The following CCNB3 variants were observed in gnomAD, a reference collection of about 807,000 sequenced individuals.
The protein encoded by CCNB3 is cyclin B3.
CCNB3 carries 12 observed loss-of-function variants against 68.0 expected under a neutral mutation model. That is an observed-to-expected ratio of 0.18 (90% confidence interval 0.11 to 0.29). CCNB3 has a LOEUF of 0.29. Ranked by LOEUF, CCNB3 falls within the 10% of genes least tolerant of loss-of-function variation. CCNB3 has a pLI of 1.00. For synonymous variants in CCNB3, 354 were observed against 388.9 expected (o/e 0.91, Z 1.06); for missense variants, 904 against 993.1 (o/e 0.91, Z 1.21).
At chrX:50,227,661 AATAT>A (rs1935912079) in intron 1 of CCNB3, among the ~76,000 whole-genome samples, 1 of 93,791 alleles carries the variant, frequency 1.1e-5, no homozygotes. Context: ...TATATATAAA[AATAT>A]ATATAGAGAG....
At chrX:50,295,026 T>C in intron 5 of CCNB3, 33 bp downstream of exon 5, 1 of 1,174,227 alleles carries the variant, frequency 8.5e-7, no homozygotes, top group Non-Finnish European at 1.1e-6. Context: ...GGCATTATTT[T>C]AGATGGTAGA....
chrX:50,333,844 T>C (rs1484430079), intron 8 of CCNB3, among the ~76,000 whole-genome samples: 1 of 111,384 alleles, frequency 9.0e-6, no homozygotes, highest in Admixed American at 9.6e-5. Context: ...GGAGGCTCGC[T>C]GGTGTCCCCT....
chrX:50,300,544 T>A (rs1557212344), intron 5 of CCNB3, among the ~76,000 whole-genome samples: 1 of 111,821 alleles, frequency 8.9e-6, no homozygotes, highest in African/African-American at 3.2e-5. Flanking sequence ...TAACCCGACC[T>A]TTCTCTCTGG....
intron 8 of CCNB3, among the ~76,000 whole-genome samples, chrX:50,324,654 G>C (rs1431144030): frequency 9.0e-6 from 1 of 111,261 alleles, no homozygotes; most frequent in African/African-American, 3.3e-5. Flanking sequence ...TTCTTGTTTT[G>C]CTAAGGTTTA....
chrX:50,349,391 A>G (rs782551377), intron 11 of CCNB3, among the ~76,000 whole-genome samples: 1 of 112,393 alleles, frequency 8.9e-6, no homozygotes, highest in Admixed American at 9.4e-5. Context: ...TGAGAGACCC[A>G]CTTTACACTA....
intron 3 of CCNB3, among the ~76,000 whole-genome samples, chrX:50,286,123 A>G (rs1936228797): frequency 8.9e-6 from 1 of 111,965 alleles, no homozygotes; most frequent in African/African-American, 3.2e-5. Context: ...AATTATTTCT[A>G]TCAGTAATAT....
chrX:50,328,798 T>C (rs926368587), intron 8 of CCNB3, among the ~76,000 whole-genome samples: 1 of 112,210 alleles, frequency 8.9e-6, no homozygotes. Context: ...AGTTATTTAC[T>C]TCCAAGATAC....
chrX:50,301,652 C>G lies in CCNB3; in HGVS notation c.335+6659C>G, dbSNP rs1418662251. ...TGCGTGCTGGGAGAACCACTACTCT[C>G]TTCAAAGCTGTCAGACAGGGACATT... On this transcript the variant is annotated intron_variant, in intron 5 of 12. Transcript: ENST00000376042. Among the ~76,000 whole-genome samples the G allele has an allele frequency of 2.7e-5, 3 of 112,488 alleles. No individual in the cohort carries two copies. The East Asian group carries it at 8.5e-4, about 32-fold the overall frequency.
chrX:50,344,630 A>C lies in CCNB3; in HGVS notation c.3655-2022A>C, dbSNP rs148280603. 2.5e-3 allele frequency among the ~76,000 whole-genome samples: 271 copies of C among 110,265 alleles called. 7 individuals carry two copies. The East Asian group carries it at 0.061, about 25-fold the overall frequency. On this transcript the variant is annotated intron_variant, in intron 9 of 12. Transcript: ENST00000376042. ...CCTCCACCATTTTCTTGTTCCACCA[A>C]CTCCATCCCCATCTAGTGGAGTCTC... is the stretch of plus-strand genomic sequence containing the variant.
chrX:50,311,469 A>G lies in CCNB3; in HGVS notation c.3300A>G (p.Ser1100=). The change falls in exon 6 of 13, where the codon TCA becomes TCG. Residue 1100 remains serine (S), a synonymous_variant. Transcript: ENST00000376042. The part of the protein sequence containing the change: ...ACESASDKPV[S]PQAKGTPKEI... The stretch of plus-strand genomic sequence containing the variant: ...AATCTGCTTCTGATAAACCTGTCTC[A>G]CCACAGGCCAAGGGAACACCAAAGG... 4 of 1,206,628 alleles carry G rather than the reference A, an allele frequency of 3.3e-6. No homozygotes were observed. Among genetic ancestry groups the G allele is most frequent in the Non-Finnish European group, 4.5e-6 (4 of 892,421 alleles).
chrX:50,210,350 AG>A (rs1935463260), intron 1 of CCNB3, among the ~76,000 whole-genome samples: 1 of 112,129 alleles, frequency 8.9e-6, no homozygotes, highest in Non-Finnish European at 1.9e-5. Flanking sequence ...ATGCCAGCTA[AG>A]GGAAAAATAT....
At chrX:50,289,405 G>T (rs781808504) in intron 4 of CCNB3, among the ~76,000 whole-genome samples, 15 of 111,411 alleles carry the variant, frequency 1.3e-4, no homozygotes, top group Non-Finnish European at 1.9e-5. Context: ...ATAGTTCCAA[G>T]ATCGAGTCTT....
At chrX:50,287,188 T>C (rs1365563492) in intron 3 of CCNB3, among the ~76,000 whole-genome samples, 1 of 111,344 alleles carries the variant, frequency 9.0e-6, no homozygotes, top group Non-Finnish European at 1.9e-5. Flanking sequence ...CATAAAGTTG[T>C]TAGAGGGTAG....
At chrX:50,298,344 GT>G (rs1302424998) in intron 5 of CCNB3, among the ~76,000 whole-genome samples, 3 of 111,583 alleles carry the variant, frequency 2.7e-5, no homozygotes, top group African/African-American at 9.8e-5. Context: ...AGCATGAAGG[GT>G]TGTTGAATTT....
At chrX:50,298,470 C>T (rs1206639098) in intron 5 of CCNB3, among the ~76,000 whole-genome samples, 1 of 111,836 alleles carries the variant, frequency 8.9e-6, no homozygotes, top group Non-Finnish European at 1.9e-5. Context: ...CCTTGCATCC[C>T]AGGGATGAAG....
chrX:50,228,791 A>G lies in CCNB3; in HGVS notation c.-113+23841A>G, dbSNP rs1231469417. ...TATAGAATACATATATAGAATATAT[A>G]TATAGAATAGATATATAGAATATAT... On this transcript the variant is annotated intron_variant, in intron 1 of 12. Transcript: ENST00000376042. 3.9e-5 allele frequency among the ~76,000 whole-genome samples: 3 copies of G among 76,373 alleles called. No homozygotes were observed. The East Asian group carries it at 1.1e-3, about 29-fold the overall frequency. 66.3% of individuals were successfully genotyped at this position (76,373 alleles called of 115,157 possible). A position where few individuals can be genotyped will look rare whatever the true frequency, so the allele number is the denominator to read the frequency against.
chrX:50,325,493 G>A (rs1234884033), intron 8 of CCNB3, among the ~76,000 whole-genome samples: 3 of 112,269 alleles, frequency 2.7e-5, no homozygotes, highest in Admixed American at 9.4e-5. Flanking sequence ...TTGGTAGATG[G>A]TATACATAGC....
At chrX:50,313,179 A>C (rs1557215316) in intron 7 of CCNB3, among the ~76,000 whole-genome samples, 1 of 111,017 alleles carries the variant, frequency 9.0e-6, no homozygotes, top group African/African-American at 3.3e-5. Flanking sequence ...AGTTTCTTCT[A>C]ACTCTCTCAA....
chrX:50,306,488 C>T, intron 5 of CCNB3, among the ~76,000 whole-genome samples: 1 of 111,942 alleles, frequency 8.9e-6, no homozygotes, highest in East Asian at 2.8e-4. Context: ...GCCCTAGCTA[C>T]AACCTCTAGT....
Sources: allele counts gnomAD v4.1 joint callset (sites outside exome capture counted in the v4.1 genomes callset), GRCh38; gene constraint gnomAD v4.1.1; transcripts MANE v1.5; gene names NCBI Gene and HGNC (gene_info 2026-07-23, HGNC 2026-07-21).